WDR46: variants seen among roughly 807,000 people sequenced by gnomAD.
WDR46 encodes the protein WD repeat-containing protein 46.
Under a neutral mutation model 74.7 loss-of-function variants are expected in WDR46, and 58 were observed. The observed-to-expected ratio is 0.78, with a 90% CI of 0.63 to 0.97. The LOEUF (loss-of-function observed/expected upper bound fraction) is 0.97. Ranked by LOEUF, WDR46 falls within the 50% of genes least tolerant of loss-of-function variation. WDR46 has a pLI of 0.00. For missense variants in WDR46, 702 were observed against 790.1 expected, an observed-to-expected ratio of 0.89 and a Z score of 1.34; for synonymous variants, 278 against 297.3, an observed-to-expected ratio of 0.93 and a Z score of 0.67.
chr6:33,287,514 G>A lies in WDR46; in HGVS notation c.729-9C>T. The A allele has an allele frequency of 6.2e-7, 1 of 1,613,518 alleles. No homozygotes were observed. The highest frequency in any genetic ancestry group is 8.5e-7 in the Non-Finnish European group (1 of 1,179,942). ...CCTCAGAATGGAGAAACCTGGGGGA[G>A]AGGAAGAGTGGTTCAATTGGGAAAT... On this transcript the variant is annotated splice_polypyrimidine_tract_variant and intron_variant, in intron 7 of 14. Transcript: ENST00000374617.
At position 33,286,974 on chromosome 6, in the gene WDR46, G is replaced by A; in HGVS notation, c.1016-80C>T. ...AAACATGGGAAAGATGGGAACTCAA[G>A]ACCAAGAGATAACAAAAAAGGGAAA... On this transcript the variant is annotated intron_variant, in intron 9 of 14. Transcript: ENST00000374617. The A allele has an allele frequency of 2.5e-6, 4 of 1,590,292 alleles. No homozygotes were observed. In the South Asian group the frequency reaches 3.4e-5, roughly 13 times the overall value.
chr6:33,284,703 G>A (rs568989317), intron 10 of WDR46: 4 of 153,568 alleles, frequency 2.6e-5, no homozygotes, highest in Non-Finnish European at 5.9e-5. Context: ...GTTCTGTATA[G>A]CCCACAAGCC....
At chr6:33,284,744 A>G (rs1766470496) in intron 10 of WDR46, 1 of 153,692 alleles carries the variant, frequency 6.5e-6, no homozygotes, top group Admixed American at 6.5e-5. Flanking sequence ...TAAGTGGTTG[A>G]AAAAAAATCA....
At chr6:33,283,355 T>C (rs1032633536) in intron 10 of WDR46, among the ~76,000 whole-genome samples, 2 of 151,342 alleles carry the variant, frequency 1.3e-5, no homozygotes, top group Non-Finnish European at 2.9e-5. Context: ...CTTTGGGAGG[T>C]TGAGGTAGGA....
chr6:33,280,474 C>A lies in WDR46; in HGVS notation c.1478G>T (p.Ser493Ile). The change falls in exon 12 of 15, where the codon AGC becomes ATC. Residue 493 changes from serine to isoleucine, a missense_variant. Coordinates refer to ENST00000374617, the MANE Select transcript of WDR46 (RefSeq NM_005452.6). ...FDGLESNPYR[S>I]RKQRQEWEVK... ...CTCCCACTCCTGGCGCTGCTTCCGG[C>A]TTCTGTATGGATTACTCTCCAGGCC... 1 of 1,599,192 alleles carries A rather than the reference C, an allele frequency of 6.3e-7. No homozygotes were observed.
At chr6:33,288,560 T>C in intron 3 of WDR46, 54 bp downstream of exon 3, 1 of 1,608,954 alleles carries the variant, frequency 6.2e-7, no homozygotes, top group Non-Finnish European at 8.5e-7. Context: ...TCCATCCAAC[T>C]CACCCAGACA....
At chr6:33,283,379 C>A (rs1332252284) in intron 10 of WDR46, among the ~76,000 whole-genome samples, 1 of 150,906 alleles carries the variant, frequency 6.6e-6, no homozygotes, top group Non-Finnish European at 1.5e-5. Context: ...CCGCTTGAGC[C>A]CAGGAGTTCA....
chr6:33,282,940 G>A lies in WDR46; in HGVS notation c.1116-1953C>T, dbSNP rs576140850. Among the ~76,000 whole-genome samples the A allele has an allele frequency of 3.3e-5, 5 of 152,208 alleles. 1 individual carries two copies. The highest frequency in any genetic ancestry group is 4.1e-4 in the South Asian group (2 of 4,830). On this transcript the variant is annotated intron_variant, in intron 10 of 14. Coordinates refer to ENST00000374617, the MANE Select transcript of WDR46 (RefSeq NM_005452.6). ...AGATACAATTACAAAGGCCAGACACGGTGGCTCACGCCTATAATCCCAGCA... is the reference window on the plus strand; with the variant it reads ...AGATACAATTACAAAGGCCAGACACAGTGGCTCACGCCTATAATCCCAGCA...
intron 9 of WDR46, 87 bp downstream of exon 9, chr6:33,287,004 A>C: frequency 6.3e-7 from 1 of 1,584,596 alleles, no homozygotes; most frequent in Non-Finnish European, 8.6e-7. Flanking sequence ...GGGAAATAAA[A>C]GGGTAACTTT....
rs781466679 is a variant in WDR46, at chr6:33,287,464, C to G, written c.770G>C (p.Arg257Pro). ...SEALLAVAQN[R>P]WLHIYDNQGI... ...CTGATTGTCATAGATGTGGAGCCAG[C>G]GGTTCTGAGCAACAGCAAGCAGTGC... The change falls in exon 8 of 15, where the codon CGC becomes CCC. Residue 257 changes from arginine to proline, a missense_variant. Arg to Pro is a moderately radical substitution (Grantham distance 103, BLOSUM62 -2). Transcript: ENST00000374617. 3 of 1,612,710 alleles carry G rather than the reference C, an allele frequency of 1.9e-6. No individual in the cohort carries two copies.
chr6:33,288,301 C>T (rs778240169), intron 4 of WDR46, 57 bp downstream of exon 4: 38 of 1,613,460 alleles, frequency 2.4e-5, no homozygotes, highest in Admixed American at 6.7e-5. Flanking sequence ...AACATAAAAA[C>T]GAGAAAAGAC....
Position 33,288,608 on chromosome 6 carries a change from C to T in WDR46, c.360+6G>A. The stretch of plus-strand genomic sequence containing the variant: ...AGCACTTCCCAACTCTCCGGCTGGA[C>T]CTCACCTTTCGGGATTTGTCAATGC... On this transcript the variant is annotated splice_donor_region_variant and intron_variant, in intron 3 of 14. Transcript: ENST00000374617. 1 of 1,612,726 alleles carries T rather than the reference C, an allele frequency of 6.2e-7. No individual in the cohort carries two copies.
chr6:33,282,658 C>G (rs1766288691), intron 10 of WDR46, among the ~76,000 whole-genome samples: 2 of 152,230 alleles, frequency 1.3e-5, no homozygotes, highest in South Asian at 2.1e-4. Flanking sequence ...CAGAGAAAAG[C>G]AGGGATGGGC....
chr6:33,285,715 G>C (rs1261206631), intron 10 of WDR46, among the ~76,000 whole-genome samples: 2 of 152,072 alleles, frequency 1.3e-5, no homozygotes, highest in African/African-American at 4.8e-5. Flanking sequence ...AGTAGAGACA[G>C]AGTTTCGCCA....
chr6:33,288,194 C>CATAT lies in WDR46; in HGVS notation c.511_514dup (p.Cys172TyrfsTer5), dbSNP rs1176418982. On this transcript the variant is annotated frameshift_variant, in exon 5 of 15. Transcript: ENST00000374617. LOFTEE classifies it high-confidence loss of function. ...CACAGCCTCCACAATGTCAGCCTGG[C>CATAT]ATATCTTTGCTGTGTCTTCCCCATC... The CATAT allele has an allele frequency of 6.2e-7, 1 of 1,614,120 alleles. No homozygotes were observed. Among genetic ancestry groups the CATAT allele is most frequent in the African/African-American group, 1.3e-5 (1 of 74,942 alleles).
chr6:33,286,154 A>T (rs560851443), intron 10 of WDR46, among the ~76,000 whole-genome samples: 19 of 109,624 alleles, frequency 1.7e-4, no homozygotes, highest in East Asian at 8.5e-4. Context: ...CAAAAGATTT[A>T]AAAAAAAAAA....
intron 2 of WDR46, 34 bp downstream of exon 2, chr6:33,288,770 G>A (rs762305626): frequency 6.2e-7 from 1 of 1,613,370 alleles, no homozygotes; most frequent in Non-Finnish European, 8.5e-7. Context: ...GAACGAGGCG[G>A]CCTGCCTCGC....
Position 33,287,241 on chromosome 6 carries a change from CAGAG to C in WDR46, c.880-19_880-16del, listed in dbSNP as rs1319738099. On this transcript the variant is annotated splice_polypyrimidine_tract_variant and intron_variant, in intron 8 of 14. Transcript: ENST00000374617. ...CCTGTTTCTGACTGAGAGAGAAAGA[CAGAG>C]AGAATGACCCAGTCCTGATTGCCCT... The C allele has an allele frequency of 5.6e-6, 9 of 1,613,344 alleles. No homozygotes were observed. Among genetic ancestry groups the C allele is most frequent in the Non-Finnish European group, 7.6e-6 (9 of 1,179,844 alleles).
chr6:33,288,303 A>T, intron 4 of WDR46, 55 bp downstream of exon 4: 1 of 1,613,680 alleles, frequency 6.2e-7, no homozygotes, highest in Non-Finnish European at 8.5e-7. Flanking sequence ...CATAAAAACG[A>T]GAAAAGACAG....
Sources: allele counts gnomAD v4.1 joint callset (sites outside exome capture counted in the v4.1 genomes callset), GRCh38; gene constraint gnomAD v4.1.1; transcripts MANE v1.5; gene names NCBI Gene and HGNC (gene_info 2026-07-23, HGNC 2026-07-21).